Variants in MCC observed in about 807,000 individuals in gnomAD.
MCC encodes MCC regulator of Wnt signaling pathway, also known as colorectal mutant cancer protein.
In MCC, 90 loss-of-function variants were observed where a neutral mutation model predicts 116.2. The observed-to-expected ratio is 0.77, with a 90% CI of 0.65 to 0.92. MCC has a LOEUF of 0.92. MCC is among the 40% of genes least tolerant of loss of function. The probability of loss-of-function intolerance (pLI) is 0.00; values close to 1 mark genes in which losing one functional copy is unlikely to be tolerated. For missense variants in MCC, 1,516 were observed against 1,312.2 expected (o/e 1.16, Z -2.40); for synonymous variants, 578 against 510.5 (o/e 1.13, Z -1.78).
At chr5:113,029,224 A>G (rs1006880837) in intron 17 of MCC, among the ~76,000 whole-genome samples, 168 bp from the exon 18 acceptor site, 8 of 151,960 alleles carry the variant, frequency 5.3e-5, no homozygotes, top group African/African-American at 1.5e-4. Flanking sequence ...ACCTGAATGA[A>G]TTCATTCTCA....
chr5:113,341,449 T>C (rs1014369867), intron 2 of MCC, among the ~76,000 whole-genome samples: 1 of 152,148 alleles, frequency 6.6e-6, no homozygotes. Flanking sequence ...CCTCCCAAAA[T>C]GCTAGGATTA....
At chr5:113,118,973 G>A (rs890036674) in intron 6 of MCC, among the ~76,000 whole-genome samples, 1 of 152,178 alleles carries the variant, frequency 6.6e-6, no homozygotes, top group Non-Finnish European at 1.5e-5. Context: ...GTGACCTCTG[G>A]CAAGCATTCT....
chr5:113,229,917 G>A (rs573537409), intron 3 of MCC, among the ~76,000 whole-genome samples: 93 of 152,288 alleles, frequency 6.1e-4, no homozygotes, highest in Non-Finnish European at 1.0e-3. Flanking sequence ...TTGAACAACT[G>A]ATCCCCTAAC....
intron 1 of MCC, among the ~76,000 whole-genome samples, chr5:113,458,677 T>A (rs1771651166): frequency 6.6e-6 from 1 of 152,200 alleles, no homozygotes; most frequent in Non-Finnish European, 1.5e-5. Flanking sequence ...GCTGCTTGTA[T>A]AGGCTAGCAT....
intron 5 of MCC, among the ~76,000 whole-genome samples, chr5:113,139,368 A>G (rs1262934051): frequency 2.0e-5 from 3 of 152,204 alleles, no homozygotes; most frequent in Non-Finnish European, 4.4e-5. Context: ...ACATAGTAAC[A>G]TACTCAATCC....
intron 11 of MCC, among the ~76,000 whole-genome samples, chr5:113,081,622 G>A (rs1351193949): frequency 6.6e-6 from 1 of 151,970 alleles, no homozygotes; most frequent in Non-Finnish European, 1.5e-5. Context: ...AATTGCAAAG[G>A]GCATATCTGA....
chr5:113,049,117 G>A lies in MCC; in HGVS notation c.2631C>T (p.Ser877=), dbSNP rs374781912. 36 of 1,614,176 alleles carry A rather than the reference G, an allele frequency of 2.2e-5. No homozygotes were observed. Among genetic ancestry groups the A allele is most frequent in the Middle Eastern group, 1.6e-4 (1 of 6,062 alleles). Residue 877 remains serine (S), a synonymous_variant, in exon 16 of 19, where the codon AGC becomes AGT. Transcript: ENST00000408903. The stretch of plus-strand genomic sequence containing the variant: ...CCTTGCCAGGTTTGTCTTTGCTGCC[G>A]CTGCTGGTGGAGCTGAGGGATCGCA... ...QRMRSLSSTS[S]GSKDKPGKEC...
At chr5:113,093,380 G>A (rs764454429) in intron 8 of MCC, among the ~76,000 whole-genome samples, 11 of 152,080 alleles carry the variant, frequency 7.2e-5, no homozygotes, top group Non-Finnish European at 1.0e-4. Flanking sequence ...AGGGTCGAGC[G>A]CACTGTGATT....
At chr5:113,187,431 A>T (rs1032904755) in intron 3 of MCC, among the ~76,000 whole-genome samples, 1 of 152,132 alleles carries the variant, frequency 6.6e-6, no homozygotes, top group Non-Finnish European at 1.5e-5. Context: ...TTTTAAGAAG[A>T]TGAGGCTAAA....
intron 2 of MCC, among the ~76,000 whole-genome samples, chr5:113,375,145 T>C (rs898070538): frequency 6.6e-6 from 1 of 152,188 alleles, no homozygotes; most frequent in South Asian, 2.1e-4. Context: ...ATACTTTCTA[T>C]TGAGCTCTTC....
chr5:113,027,750 AAG>A (rs1373508062), intron 18 of MCC, among the ~76,000 whole-genome samples: 2 of 152,194 alleles, frequency 1.3e-5, no homozygotes, highest in Non-Finnish European at 2.9e-5. Flanking sequence ...AAGGGGTTCT[AAG>A]AGTCAAACCA....
chr5:113,411,220 C>T (rs954739904), intron 1 of MCC, among the ~76,000 whole-genome samples: 13 of 142,424 alleles, frequency 9.1e-5, no homozygotes, highest in Admixed American at 4.5e-4. Context: ...TACACTCCCA[C>T]CAACAGAGTA....
At chr5:113,201,671 C>T (rs1762687041) in intron 3 of MCC, among the ~76,000 whole-genome samples, 1 of 152,186 alleles carries the variant, frequency 6.6e-6, no homozygotes, top group African/African-American at 2.4e-5. Context: ...GATTTTATGT[C>T]AAGCCTTGAT....
intron 2 of MCC, among the ~76,000 whole-genome samples, chr5:113,342,433 A>C (rs1768040252): frequency 1.3e-5 from 2 of 152,210 alleles, no homozygotes; most frequent in Non-Finnish European, 2.9e-5. Context: ...TTCACTACAT[A>C]CTTTTGGTTT....
chr5:113,222,928 G>C (rs994871803), intron 3 of MCC, among the ~76,000 whole-genome samples: 1 of 152,202 alleles, frequency 6.6e-6, no homozygotes, highest in Non-Finnish European at 1.5e-5. Flanking sequence ...GAGCCAATCA[G>C]AGATTACAAA....
chr5:113,303,500 T>C (rs1012743305), intron 3 of MCC, among the ~76,000 whole-genome samples: 1 of 152,236 alleles, frequency 6.6e-6, no homozygotes, highest in Non-Finnish European at 1.5e-5. Context: ...TGTGGGATGC[T>C]GCTGAGAGTT....
intron 11 of MCC, among the ~76,000 whole-genome samples, chr5:113,082,595 G>T (rs1415478919): frequency 1.3e-5 from 2 of 152,206 alleles, no homozygotes; most frequent in Non-Finnish European, 2.9e-5. Flanking sequence ...AATTTAAAAC[G>T]TTGACAGCAG....
chr5:113,210,604 T>G (rs970146909), intron 3 of MCC, among the ~76,000 whole-genome samples: 1 of 152,104 alleles, frequency 6.6e-6, no homozygotes, highest in Non-Finnish European at 1.5e-5. Context: ...AGAGGATGTT[T>G]GGGGGAAACA....
intron 1 of MCC, among the ~76,000 whole-genome samples, chr5:113,393,369 G>A (rs1012569104): frequency 2.0e-4 from 31 of 152,138 alleles, no homozygotes; most frequent in Admixed American, 3.9e-4. Flanking sequence ...TATAGTTGGA[G>A]GGGAAAATGT....
Sources: allele counts gnomAD v4.1 joint callset (sites outside exome capture counted in the v4.1 genomes callset), GRCh38; gene constraint gnomAD v4.1.1; transcripts MANE v1.5; gene names NCBI Gene and HGNC (gene_info 2026-07-23, HGNC 2026-07-21).